The following FAM20B variants were observed in gnomAD, a reference collection of about 807,000 sequenced individuals.
The protein encoded by FAM20B is glycosaminoglycan xylosylkinase.
FAM20B carries 23 observed loss-of-function variants against 43.8 expected under a neutral mutation model. That is an observed-to-expected ratio of 0.53 (90% confidence interval 0.38 to 0.74). The LOEUF (loss-of-function observed/expected upper bound fraction) is 0.74. Ranked by LOEUF, FAM20B falls within the 30% of genes least tolerant of loss-of-function variation. The probability of loss-of-function intolerance (pLI) is 0.00; values close to 1 mark genes in which losing one functional copy is unlikely to be tolerated. For missense variants in FAM20B, 440 were observed against 510.5 expected (o/e 0.86, Z 1.33); for synonymous variants, 178 against 192.4 (o/e 0.93, Z 0.62).
At chr1:179,040,863 C>T (rs1290188895) in intron 1 of FAM20B, among the ~76,000 whole-genome samples, 1 of 149,548 alleles carries the variant, frequency 6.7e-6, no homozygotes, top group African/African-American at 2.5e-5. Flanking sequence ...TCAGACAGGG[C>T]GGTTGCCAGG....
intron 2 of FAM20B, among the ~76,000 whole-genome samples, chr1:179,044,839 A>G (rs114813677): frequency 1.3e-5 from 2 of 152,266 alleles, no homozygotes; most frequent in Non-Finnish European, 2.9e-5. Context: ...GCTGGACCAC[A>G]TGGTAAGAGT....
intron 2 of FAM20B, among the ~76,000 whole-genome samples, chr1:179,046,377 A>G (rs990496469): frequency 6.6e-6 from 1 of 152,210 alleles, no homozygotes; most frequent in Non-Finnish European, 1.5e-5. Context: ...ATGGCCGGGC[A>G]CGGTGGCTCA....
At position 179,025,969 on chromosome 1, in the gene FAM20B, T is replaced by TGGC. The variant is rs935232660; in HGVS notation, c.-250_-248dup. The TGGC allele has an allele frequency of 4.2e-3, 451 of 107,696 alleles. No individual in the cohort carries two copies. Among genetic ancestry groups the TGGC allele is most frequent in the South Asian group, 7.0e-3 (24 of 3,406 alleles). The allele number at this position is 107,696 out of a possible 1,614,324, so 6.7% of individuals were successfully genotyped here. Reference sequence around the variant, plus strand: ...GGCCGGGGGTGGGCCGGAGCCGCTGTGGCGGCGGCGGCGGCTGGGGGCGGT... The same window carrying TGGC: ...GGCCGGGGGTGGGCCGGAGCCGCTGTGGCGGCGGCGGCGGCGGCTGGGGGCGGT... On this transcript the variant is annotated 5_prime_UTR_variant, in exon 1 of 8. Coordinates refer to ENST00000263733, the MANE Select transcript of FAM20B (RefSeq NM_014864.4).
chr1:179,040,888 A>T (rs1370169358), intron 1 of FAM20B, among the ~76,000 whole-genome samples: 1 of 146,598 alleles, frequency 6.8e-6, no homozygotes, highest in Non-Finnish European at 1.5e-5. Flanking sequence ...GGCTCTCCTC[A>T]CTTCTCAGAC....
intron 6 of FAM20B, among the ~76,000 whole-genome samples, chr1:179,066,057 G>A (rs949492307): frequency 4.6e-5 from 7 of 152,172 alleles, no homozygotes; most frequent in Non-Finnish European, 8.8e-5. Flanking sequence ...CTGTTGGACT[G>A]TTGTACCAGG....
intron 1 of FAM20B, among the ~76,000 whole-genome samples, chr1:179,026,395 C>T (rs1477114498): frequency 6.6e-6 from 1 of 152,032 alleles, no homozygotes; most frequent in Non-Finnish European, 1.5e-5. Flanking sequence ...CGTCCCTGGC[C>T]CACCTGAGGC....
chr1:179,076,525 A>G lies in FAM20B; in HGVS notation c.*4381A>G, dbSNP rs1652135017. On this transcript the variant is annotated 3_prime_UTR_variant, in exon 8 of 8. Transcript: ENST00000263733. ...TTTCTAATGTGTTCTATGGGTTTCA[A>G]TTCTGAAAAAAGAAAATGAATAAAG... The G allele has an allele frequency of 6.6e-6, 1 of 152,606 alleles. No individual in the cohort carries two copies. The highest frequency in any genetic ancestry group is 6.6e-5 in the Admixed American group (1 of 15,266). 9.5% of individuals were successfully genotyped at this position (152,606 alleles called of 1,614,324 possible). A position where few individuals can be genotyped will look rare whatever the true frequency, so the allele number is the denominator to read the frequency against.
chr1:179,045,046 G>A (rs1650704472), intron 2 of FAM20B, among the ~76,000 whole-genome samples: 1 of 152,128 alleles, frequency 6.6e-6, no homozygotes, highest in Non-Finnish European at 1.5e-5. Context: ...GGCCATTTTA[G>A]TTACCTTAGT....
intron 1 of FAM20B, among the ~76,000 whole-genome samples, chr1:179,030,722 T>C (rs778804146): frequency 1.3e-5 from 2 of 152,160 alleles, no homozygotes; most frequent in African/African-American, 4.8e-5. Context: ...ACCCTAAAGG[T>C]CTTTCTCCTT....
intron 4 of FAM20B, among the ~76,000 whole-genome samples, 197 bp from the exon 5 acceptor site, chr1:179,063,730 G>A (rs1651570065): frequency 6.6e-6 from 1 of 152,146 alleles, no homozygotes; most frequent in Admixed American, 6.5e-5. Flanking sequence ...ATATCCTTTT[G>A]TACTTTTTAA....
In FAM20B at chr1:179,052,956, A is replaced by T. The variant is rs561779056; in HGVS notation, c.465-1573A>T. Among the ~76,000 whole-genome samples the T allele has an allele frequency of 2.6e-5, 4 of 152,318 alleles. No individual in the cohort carries two copies. In the East Asian group the frequency reaches 7.7e-4, roughly 29 times the overall value. ...GTTTTGTTGATATATATGTAAAGTGATATTTCATTGTTATTTCATTGTTAT... is the reference window on the plus strand; with the variant it reads ...GTTTTGTTGATATATATGTAAAGTGTTATTTCATTGTTATTTCATTGTTAT... On this transcript the variant is annotated intron_variant, in intron 3 of 7. Coordinates refer to ENST00000263733, the MANE Select transcript of FAM20B (RefSeq NM_014864.4).
At chr1:179,054,721 C>G in intron 4 of FAM20B, 83 bp downstream of exon 4, 1 of 808,526 alleles carries the variant, frequency 1.2e-6, no homozygotes, top group East Asian at 2.6e-5. Flanking sequence ...TGGCTCATGA[C>G]TTTTAGGAAT....
chr1:179,045,657 C>T (rs959519107), intron 2 of FAM20B, among the ~76,000 whole-genome samples: 2 of 152,156 alleles, frequency 1.3e-5, no homozygotes, highest in African/African-American at 4.8e-5. Context: ...GTAATCCCAG[C>T]ACTTGGGGAG....
At chr1:179,037,205 G>C (rs1169202436) in intron 1 of FAM20B, among the ~76,000 whole-genome samples, 1 of 152,196 alleles carries the variant, frequency 6.6e-6, no homozygotes, top group Non-Finnish European at 1.5e-5. Flanking sequence ...TCAGGCATCA[G>C]TTCTTTCTGT....
intron 1 of FAM20B, chr1:179,035,317 T>C: frequency 1.5e-6 from 1 of 665,578 alleles, no homozygotes; most frequent in Non-Finnish European, 2.8e-6. Flanking sequence ...TTACACGGGC[T>C]TTGGTGGGGG....
intron 4 of FAM20B, among the ~76,000 whole-genome samples, chr1:179,058,213 A>G (rs1651309522): frequency 6.6e-6 from 1 of 152,240 alleles, no homozygotes; most frequent in African/African-American, 2.4e-5. Flanking sequence ...TGTGATTTCA[A>G]ACTATGATTA....
rs1458291077 is a variant in FAM20B, at chr1:179,026,246, C to T, written c.-134+148C>T. On this transcript the variant is annotated intron_variant, in intron 1 of 7. Transcript: ENST00000263733. Reference sequence around the variant, plus strand: ...GGGGCGGGGCGCCTCCCTGAGGGGCCGGGCACCGGGTGCCCTGAGCCGTCC... The same window carrying T: ...GGGGCGGGGCGCCTCCCTGAGGGGCTGGGCACCGGGTGCCCTGAGCCGTCC... 1.3e-5 allele frequency: 2 copies of T among 151,080 alleles called. 1 individual carries two copies. Among genetic ancestry groups the T allele is most frequent in the Admixed American group, 1.3e-4 (2 of 15,200 alleles). 9.4% of individuals were successfully genotyped at this position (151,080 alleles called of 1,614,324 possible).
rs1220 is a variant in FAM20B, at chr1:179,076,365, C to A, written c.*4221C>A. On this transcript the variant is annotated 3_prime_UTR_variant, in exon 8 of 8. Transcript: ENST00000263733. ...AACTGGGAACAACTACTCAGAAGCT[C>A]ATTTATTTGCTTAAATGGAAAGTGT... The A allele has an allele frequency of 0.69, 104,295 of 152,182 alleles. 37,045 individuals are homozygous for A. The highest frequency in any genetic ancestry group is 0.88 in the African/African-American group (36,447 of 41,474). 9.4% of individuals were successfully genotyped at this position (152,182 alleles called of 1,614,324 possible). A position where few individuals can be genotyped will look rare whatever the true frequency, so the allele number is the denominator to read the frequency against.
chr1:179,055,797 G>A (rs2102512283), intron 4 of FAM20B, among the ~76,000 whole-genome samples: 1 of 152,270 alleles, frequency 6.6e-6, no homozygotes, highest in South Asian at 2.1e-4. Flanking sequence ...TGAAGAACCA[G>A]TATGAGTTAC....
Sources: gnomAD v4.1 joint callset for allele counts (sites outside exome capture counted in the v4.1 genomes callset) on GRCh38, gnomAD v4.1.1 for gene constraint, MANE v1.5 for transcripts, NCBI Gene and HGNC (gene_info 2026-07-23, HGNC 2026-07-21) for gene names.